GNG2: variants seen among roughly 807,000 people sequenced by gnomAD.
GNG2 encodes G protein subunit gamma 2.
A neutral mutation model predicts 5.5 loss-of-function variants in GNG2; 5 were observed. The observed-to-expected ratio is 0.91, with a 90% CI of 0.48 to 1.92. The LOEUF (loss-of-function observed/expected upper bound fraction) is 1.92. GNG2 is among the 30% of genes most tolerant of loss of function. GNG2 has a pLI of 0.01. For synonymous variants in GNG2, 28 were observed against 32.0 expected, an observed-to-expected ratio of 0.88 and a Z score of 0.42; for missense variants, 55 against 88.4, an observed-to-expected ratio of 0.62 and a Z score of 1.52.
intron 2 of GNG2, among the ~76,000 whole-genome samples, chr14:51,903,464 G>C (rs1258690699): frequency 6.6e-6 from 1 of 152,186 alleles, no homozygotes; most frequent in African/African-American, 2.4e-5. Context: ...TGTGGTTTGA[G>C]CAAGGGCGTG....
At chr14:51,905,172 A>G (rs1885836809) in intron 2 of GNG2, among the ~76,000 whole-genome samples, 1 of 152,156 alleles carries the variant, frequency 6.6e-6, no homozygotes, top group South Asian at 2.1e-4. Flanking sequence ...AGGGATTGGA[A>G]ATAGTTTGTC....
intron 2 of GNG2, among the ~76,000 whole-genome samples, chr14:51,838,814 G>C (rs560192882): frequency 1.8e-4 from 28 of 152,272 alleles, no homozygotes; most frequent in African/African-American, 6.5e-4. Flanking sequence ...TAAGGTGAGA[G>C]GATTGGTTGA....
chr14:51,934,705 C>T (rs538706244), intron 2 of GNG2, among the ~76,000 whole-genome samples: 67 of 152,264 alleles, frequency 4.4e-4, no homozygotes, highest in Middle Eastern at 3.4e-3. Context: ...GTTCAGACCT[C>T]GGGGTGCCGG....
intron 2 of GNG2, among the ~76,000 whole-genome samples, chr14:51,838,275 C>G (rs1289170086): frequency 6.6e-6 from 1 of 152,116 alleles, no homozygotes; most frequent in Non-Finnish European, 1.5e-5. Flanking sequence ...GAAACCCCAT[C>G]TCTACTAAAA....
intron 2 of GNG2, among the ~76,000 whole-genome samples, chr14:51,917,820 G>A (rs1192366190): frequency 1.3e-5 from 2 of 152,220 alleles, no homozygotes; most frequent in South Asian, 4.1e-4. Context: ...CACCTGAGGG[G>A]TTTGAGACCA....
intron 2 of GNG2, among the ~76,000 whole-genome samples, chr14:51,935,577 C>T (rs531732115): frequency 1.6e-4 from 24 of 152,300 alleles, no homozygotes; most frequent in African/African-American, 4.8e-4. Flanking sequence ...ACATTCAAGA[C>T]GGTGAAAAGT....
intron 2 of GNG2, among the ~76,000 whole-genome samples, chr14:51,941,672 G>A (rs1888325050): frequency 6.6e-6 from 1 of 152,182 alleles, no homozygotes; most frequent in African/African-American, 2.4e-5. Flanking sequence ...ACAGAAATAA[G>A]GGGTTGTGTG....
chr14:51,888,890 G>A (rs1013558362), intron 2 of GNG2, among the ~76,000 whole-genome samples: 1 of 152,108 alleles, frequency 6.6e-6, no homozygotes, highest in Non-Finnish European at 1.5e-5. Context: ...GCCATGAAAA[G>A]GAACAAGGTA....
intron 1 of GNG2, among the ~76,000 whole-genome samples, chr14:51,875,761 TATATA>T (rs1290492204): frequency 2.7e-5 from 4 of 150,782 alleles, no homozygotes; most frequent in African/African-American, 9.7e-5. Context: ...GTTCACACTA[TATATA>T]ATATTTTATA....
At chr14:51,889,163 A>G (rs1362882066) in intron 2 of GNG2, among the ~76,000 whole-genome samples, 2 of 129,362 alleles carry the variant, frequency 1.5e-5, no homozygotes, top group Non-Finnish European at 3.1e-5. Context: ...CCTAGGCTGG[A>G]GTACATTGGA....
chr14:51,955,194 T>C (rs1033787058), intron 3 of GNG2, among the ~76,000 whole-genome samples: 4 of 152,166 alleles, frequency 2.6e-5, no homozygotes, highest in African/African-American at 9.7e-5. Flanking sequence ...TCCCATATAC[T>C]CCCAACAGAC....
chr14:51,857,029 A>C (rs1480977874), upstream of GNG2, among the ~76,000 whole-genome samples: 1 of 152,208 alleles, frequency 6.6e-6, no homozygotes, highest in Non-Finnish European at 1.5e-5. Context: ...TCATTATACA[A>C]ACATCTGTTG....
At chr14:51,849,536 A>G (rs989907953) in intron 2 of GNG2, among the ~76,000 whole-genome samples, 1 of 152,190 alleles carries the variant, frequency 6.6e-6, no homozygotes, top group South Asian at 2.1e-4. Context: ...GAGAATAACC[A>G]GCACCCTTCC....
intron 2 of GNG2, among the ~76,000 whole-genome samples, chr14:51,835,112 A>G (rs1211150272): frequency 6.6e-6 from 1 of 152,226 alleles, no homozygotes; most frequent in Non-Finnish European, 1.5e-5. Context: ...AAGAGGAGAC[A>G]AAAGAAAGCT....
intron 2 of GNG2, among the ~76,000 whole-genome samples, chr14:51,937,684 G>A (rs1048697933): frequency 8.5e-6 from 1 of 117,316 alleles, no homozygotes; most frequent in African/African-American, 4.3e-5. Flanking sequence ...GTGCAGGTTA[G>A]TTACATATGT....
intron 1 of GNG2, among the ~76,000 whole-genome samples, chr14:51,869,419 C>A (rs553262021): frequency 6.6e-6 from 1 of 152,316 alleles, no homozygotes; most frequent in South Asian, 2.1e-4. Flanking sequence ...AGGTTGATTT[C>A]CCCTCACTGT....
intron 3 of GNG2, among the ~76,000 whole-genome samples, chr14:51,956,392 C>T (rs1037420324): frequency 2.6e-5 from 4 of 152,020 alleles, no homozygotes; most frequent in Non-Finnish European, 5.9e-5. Context: ...AAGCTCTTAC[C>T]TGTGGGATCT....
chr14:51,892,671 G>T (rs1344142922), intron 2 of GNG2, among the ~76,000 whole-genome samples: 3 of 152,104 alleles, frequency 2.0e-5, no homozygotes, highest in Admixed American at 6.6e-5. Flanking sequence ...CAAGTAAAAA[G>T]ATATAGGAAG....
chr14:51,851,984 T>C (rs149978099), intron 2 of GNG2, among the ~76,000 whole-genome samples: 1 of 152,348 alleles, frequency 6.6e-6, no homozygotes, highest in Non-Finnish European at 1.5e-5. Flanking sequence ...AGTCATATTA[T>C]GCTGTTAATT....
Sources: allele counts gnomAD v4.1 joint callset (sites outside exome capture counted in the v4.1 genomes callset), GRCh38; gene constraint gnomAD v4.1.1; transcripts MANE v1.5; gene names NCBI Gene and HGNC (gene_info 2026-07-23, HGNC 2026-07-21).